Variants in PDZRN4 observed in about 807,000 individuals in gnomAD.
PDZRN4 encodes the protein PDZ domain-containing RING finger protein 4.
PDZRN4 carries 70 observed loss-of-function variants against 99.0 expected under a neutral mutation model. That is an observed-to-expected ratio of 0.71 (90% CI 0.58 to 0.86). The LOEUF (loss-of-function observed/expected upper bound fraction) is 0.86, where lower values mean the gene tolerates loss of function less well. Ranked by LOEUF, PDZRN4 falls within the 40% of genes least tolerant of loss-of-function variation. PDZRN4 has a pLI of 0.00. For synonymous variants in PDZRN4, 551 were observed against 501.6 expected, an observed-to-expected ratio of 1.10 and a Z score of -1.32; for missense variants, 1,474 against 1,331.2, an observed-to-expected ratio of 1.11 and a Z score of -1.67.
chr12:41,191,454 C>T lies in PDZRN4; in HGVS notation c.649-4C>T, dbSNP rs748682739. The stretch of plus-strand genomic sequence containing the variant: ...GTTAAGTCATTTTATACATTTTTTT[C>T]TAGGATGGAGAGCATAAGCCATTCA... On this transcript the variant is annotated splice_region_variant and splice_polypyrimidine_tract_variant and intron_variant, in intron 1 of 9. Transcript: ENST00000402685. 3 of 1,434,772 alleles carry T rather than the reference C, an allele frequency of 2.1e-6. No homozygotes were observed. The highest frequency in any genetic ancestry group is 1.2e-5 in the South Asian group (1 of 83,272). The allele number at this position is 1,434,772 out of a possible 1,614,324, so 88.9% of individuals were successfully genotyped here.
At chr12:41,380,457 T>G (rs1179573763) in intron 3 of PDZRN4, among the ~76,000 whole-genome samples, 1 of 152,086 alleles carries the variant, frequency 6.6e-6, no homozygotes, top group Non-Finnish European at 1.5e-5. Context: ...ATGACTTTTT[T>G]GTGGCAGCAT....
chr12:41,380,795 T>G (rs1004690577), intron 3 of PDZRN4, among the ~76,000 whole-genome samples: 2 of 152,130 alleles, frequency 1.3e-5, no homozygotes, highest in African/African-American at 4.8e-5. Flanking sequence ...GAATTCTAAA[T>G]CTAACTCTAT....
intron 3 of PDZRN4, among the ~76,000 whole-genome samples, chr12:41,492,160 A>C (rs1164844391): frequency 2.0e-5 from 3 of 151,582 alleles, no homozygotes; most frequent in Non-Finnish European, 2.9e-5. Context: ...TGGCAATATG[A>C]TAGTTAATTT....
At chr12:41,306,223 C>T (rs984662650) in intron 3 of PDZRN4, among the ~76,000 whole-genome samples, 1 of 152,182 alleles carries the variant, frequency 6.6e-6, no homozygotes, top group Non-Finnish European at 1.5e-5. Flanking sequence ...TCTGTGGTAG[C>T]CCTGGCTATA....
chr12:41,564,837 T>C (rs74077884), intron 8 of PDZRN4, among the ~76,000 whole-genome samples: 8,067 of 152,156 alleles, frequency 0.053, 749 homozygotes, highest in African/African-American at 0.18. Context: ...GCTGCTCCCA[T>C]TTTCTTCAAA....
chr12:41,225,021 G>T (rs1207658766), intron 3 of PDZRN4, among the ~76,000 whole-genome samples: 1 of 151,938 alleles, frequency 6.6e-6, no homozygotes, highest in Non-Finnish European at 1.5e-5. Flanking sequence ...AGAAAAATAG[G>T]AACAAGTTTT....
At chr12:41,529,446 T>C (rs1457375091) in intron 5 of PDZRN4, among the ~76,000 whole-genome samples, 1 of 152,206 alleles carries the variant, frequency 6.6e-6, no homozygotes, top group Non-Finnish European at 1.5e-5. Flanking sequence ...GCTACCATAA[T>C]CATGCAACTT....
intron 3 of PDZRN4, among the ~76,000 whole-genome samples, chr12:41,430,873 TC>T (rs1373459617): frequency 6.6e-6 from 1 of 152,188 alleles, no homozygotes; most frequent in Non-Finnish European, 1.5e-5. Context: ...GGCTTCTGCT[TC>T]TGTGGAGGCT....
intron 3 of PDZRN4, among the ~76,000 whole-genome samples, chr12:41,401,420 T>A (rs574629339): frequency 1.2e-4 from 18 of 152,326 alleles, no homozygotes; most frequent in South Asian, 8.3e-4. Context: ...TTGTGCTGTA[T>A]ACTAAATTTA....
intron 3 of PDZRN4, chr12:41,411,754 C>CT (rs1952401575): frequency 6.6e-6 from 1 of 152,194 alleles, no homozygotes; most frequent in Non-Finnish European, 1.5e-5. Context: ...TTACAAGGCC[C>CT]TGTAGTAAAC....
At chr12:41,319,306 T>C (rs1951659039) in intron 3 of PDZRN4, among the ~76,000 whole-genome samples, 1 of 152,132 alleles carries the variant, frequency 6.6e-6, no homozygotes, top group Non-Finnish European at 1.5e-5. Flanking sequence ...GTGGCTGTAA[T>C]GATGAATGCC....
At chr12:41,346,769 C>T (rs1193931185) in intron 3 of PDZRN4, among the ~76,000 whole-genome samples, 1 of 152,070 alleles carries the variant, frequency 6.6e-6, no homozygotes, top group Non-Finnish European at 1.5e-5. Context: ...AGTTTTAGGA[C>T]ATTTTTGTCC....
Position 41,573,936 on chromosome 12 carries a change from A to G in PDZRN4, c.*46A>G, listed in dbSNP as rs981821824. ...CGACTGATTTTAGGAGGATGCTACC[A>G]GTTTCGGTAGAGTATGATTGCCTCG... On this transcript the variant is annotated 3_prime_UTR_variant, in exon 10 of 10. Transcript: ENST00000402685. 7.5e-7 allele frequency: 1 copy of G among 1,339,790 alleles called. No homozygotes were observed. The highest frequency in any genetic ancestry group is 2.3e-5 in the Admixed American group (1 of 43,008). The allele number at this position is 1,339,790 out of a possible 1,614,324, so 83.0% of individuals were successfully genotyped here. A position where few individuals can be genotyped will look rare whatever the true frequency, so the allele number is the denominator to read the frequency against.
intron 3 of PDZRN4, among the ~76,000 whole-genome samples, chr12:41,254,808 C>T (rs1233365685): frequency 3.3e-5 from 5 of 152,162 alleles, no homozygotes; most frequent in African/African-American, 1.2e-4. Context: ...AGAGGTTGCT[C>T]TGGCCAGGCA....
intron 3 of PDZRN4, among the ~76,000 whole-genome samples, chr12:41,373,330 A>C (rs7960080): frequency 6.6e-6 from 1 of 151,776 alleles, no homozygotes; most frequent in African/African-American, 2.4e-5. Flanking sequence ...GAATTTCCTC[A>C]TCCTAATAAG....
At chr12:41,384,341 G>A (rs1217122282) in intron 3 of PDZRN4, among the ~76,000 whole-genome samples, 1 of 152,100 alleles carries the variant, frequency 6.6e-6, no homozygotes, top group Non-Finnish European at 1.5e-5. Flanking sequence ...TATAAACAAT[G>A]CTAGTAATAT....
chr12:41,323,579 C>T (rs1224408754), intron 3 of PDZRN4, among the ~76,000 whole-genome samples: 1 of 151,610 alleles, frequency 6.6e-6, no homozygotes, highest in Non-Finnish European at 1.5e-5. Flanking sequence ...TAATCATAAC[C>T]AAGTTGTAGA....
At chr12:41,425,496 G>A (rs755364939) in intron 3 of PDZRN4, among the ~76,000 whole-genome samples, 1 of 151,984 alleles carries the variant, frequency 6.6e-6, no homozygotes, top group Non-Finnish European at 1.5e-5. Context: ...GCCAGATGGT[G>A]TTCCTGTACA....
intron 3 of PDZRN4, among the ~76,000 whole-genome samples, chr12:41,233,107 AC>A (rs1951039858): frequency 6.6e-6 from 1 of 152,086 alleles, no homozygotes; most frequent in Non-Finnish European, 1.5e-5. Flanking sequence ...AAAACAAACA[AC>A]CCCATCAAAG....
Sources: gnomAD v4.1 joint callset for allele counts (sites outside exome capture counted in the v4.1 genomes callset) on GRCh38, gnomAD v4.1.1 for gene constraint, MANE v1.5 for transcripts, NCBI Gene and HGNC (gene_info 2026-07-23, HGNC 2026-07-21) for gene names.